The following XYLT1 variants were observed in gnomAD, a reference collection of about 807,000 sequenced individuals.
XYLT1 encodes the protein xylosyltransferase 1.
In XYLT1, 36 loss-of-function variants were observed where a neutral mutation model predicts 91.3. That is an observed-to-expected ratio of 0.39 (90% CI 0.30 to 0.52). The LOEUF (loss-of-function observed/expected upper bound fraction) is 0.52, where lower values mean the gene tolerates loss of function less well. Ranked by LOEUF, XYLT1 falls within the 20% of genes least tolerant of loss-of-function variation. The pLI, the probability that XYLT1 is intolerant of heterozygous loss-of-function variation, is 0.68. For missense variants in XYLT1, 1,242 were observed against 1,284.5 expected (o/e 0.97, Z 0.51); for synonymous variants, 588 against 532.0 (o/e 1.11, Z -1.45).
intron 2 of XYLT1, among the ~76,000 whole-genome samples, chr16:17,278,052 C>T (rs765995056): frequency 1.9e-4 from 29 of 152,280 alleles, no homozygotes; most frequent in East Asian, 1.4e-3. Context: ...CAGAGTGAGA[C>T]GCCTCCCTGC....
intron 1 of XYLT1, among the ~76,000 whole-genome samples, chr16:17,452,297 G>GT (rs1227109210): frequency 2.2e-5 from 3 of 138,828 alleles, no homozygotes; most frequent in African/African-American, 5.7e-5. Context: ...TTGATTCTCA[G>GT]TTTTTTTCTT....
chr16:17,330,275 G>A lies in XYLT1; in HGVS notation c.402+27737C>T, dbSNP rs967786922. On this transcript the variant is annotated intron_variant, in intron 2 of 11. Transcript: ENST00000261381. ...TGCAAACAGCTGATAAACTGGGTTG[G>A]GCTCCCCAAGGTCCTTGCAATTCTC... is the stretch of plus-strand genomic sequence containing the variant. Among the ~76,000 whole-genome samples the A allele has an allele frequency of 5.9e-5, 9 of 152,252 alleles. No individual in the cohort carries two copies. In the East Asian group the frequency reaches 1.7e-3, roughly 29 times the overall value.
intron 1 of XYLT1, among the ~76,000 whole-genome samples, chr16:17,358,312 A>AT (rs2141863134): frequency 6.6e-6 from 1 of 151,914 alleles, no homozygotes; most frequent in African/African-American, 2.4e-5. Flanking sequence ...TTAAAAAATT[A>AT]TTTTTGTAGA....
At chr16:17,242,289 C>T (rs1269578647) in intron 3 of XYLT1, among the ~76,000 whole-genome samples, 1 of 152,222 alleles carries the variant, frequency 6.6e-6, no homozygotes, top group African/African-American at 2.4e-5. Context: ...TTCATTTATG[C>T]ACTATCTACA....
intron 1 of XYLT1, among the ~76,000 whole-genome samples, chr16:17,468,027 C>T (rs190750902): frequency 4.3e-4 from 66 of 152,334 alleles, no homozygotes; most frequent in Non-Finnish European, 8.8e-4. Flanking sequence ...TGGAAACAAA[C>T]TGCACATTTC....
At position 17,219,592 on chromosome 16, in the gene XYLT1, T is replaced by C. The variant is rs548957738; in HGVS notation, c.914-18938A>G. 8.5e-5 allele frequency among the ~76,000 whole-genome samples: 13 copies of C among 152,308 alleles called. No individual in the cohort carries two copies. In the East Asian group the frequency reaches 9.7e-4, roughly 11 times the overall value. ...CAGAGAGACCCTGATTTCTCAACGA[T>C]GGCTTGGAAACTTCATTTAAGCCAG... is the stretch of plus-strand genomic sequence containing the variant. On this transcript the variant is annotated intron_variant, in intron 3 of 11. Coordinates refer to ENST00000261381, the MANE Select transcript of XYLT1 (RefSeq NM_022166.4).
chr16:17,259,962 C>T (rs2033698262), intron 2 of XYLT1, among the ~76,000 whole-genome samples: 1 of 151,546 alleles, frequency 6.6e-6, no homozygotes, highest in Non-Finnish European at 1.5e-5. Context: ...AGGACATGCT[C>T]ATATATCTAT....
At chr16:17,256,008 A>C (rs1046982633) in intron 3 of XYLT1, among the ~76,000 whole-genome samples, 40 of 152,216 alleles carry the variant, frequency 2.6e-4, no homozygotes, top group African/African-American at 8.2e-4. Context: ...ACTGTCTCAA[A>C]AAAACAAAAC....
At chr16:17,200,345 G>T in intron 4 of XYLT1, 137 bp downstream of exon 4, 2 of 1,080,898 alleles carry the variant, frequency 1.9e-6, no homozygotes, top group Non-Finnish European at 2.7e-6. Context: ...CACGCTCTGT[G>T]GAGAGGCAGC....
intron 6 of XYLT1, among the ~76,000 whole-genome samples, chr16:17,152,836 G>T (rs2031312963): frequency 6.6e-6 from 1 of 152,190 alleles, no homozygotes; most frequent in African/African-American, 2.4e-5. Context: ...TATTTGAAAT[G>T]ATAGCTGTTT....
At chr16:17,241,061 G>A (rs1370513991) in intron 3 of XYLT1, among the ~76,000 whole-genome samples, 2 of 152,234 alleles carry the variant, frequency 1.3e-5, no homozygotes, top group Non-Finnish European at 2.9e-5. Flanking sequence ...CCACCCCGGA[G>A]AGAAACCTCA....
chr16:17,286,483 T>C (rs1418357006), intron 2 of XYLT1, among the ~76,000 whole-genome samples: 1 of 152,246 alleles, frequency 6.6e-6, no homozygotes, highest in Non-Finnish European at 1.5e-5. Context: ...GGATCTGCAC[T>C]GTCACTTTCT....
At chr16:17,199,700 TTC>T (rs1293826642) in intron 4 of XYLT1, among the ~76,000 whole-genome samples, 1 of 152,224 alleles carries the variant, frequency 6.6e-6, no homozygotes, top group Non-Finnish European at 1.5e-5. Flanking sequence ...GCTCTCATTT[TTC>T]TCTCTTGCTG....
At chr16:17,333,620 C>T (rs1390726162) in intron 2 of XYLT1, among the ~76,000 whole-genome samples, 8 of 143,002 alleles carry the variant, frequency 5.6e-5, no homozygotes, top group Admixed American at 5.1e-4. Flanking sequence ...TGAAGTCTCA[C>T]TCTGCCGCCC....
intron 1 of XYLT1, among the ~76,000 whole-genome samples, chr16:17,382,831 G>A (rs887276202): frequency 6.6e-6 from 1 of 151,874 alleles, no homozygotes; most frequent in Non-Finnish European, 1.5e-5. Flanking sequence ...TTACTTCCTA[G>A]AGACCGCAAG....
At chr16:17,128,509 G>A (rs192685678) in intron 9 of XYLT1, among the ~76,000 whole-genome samples, 8 of 152,080 alleles carry the variant, frequency 5.3e-5, no homozygotes, top group South Asian at 2.1e-4. Flanking sequence ...CCTTTCATTC[G>A]TCTCTCTCTC....
chr16:17,212,364 T>C (rs2032774954), intron 3 of XYLT1, among the ~76,000 whole-genome samples: 1 of 152,182 alleles, frequency 6.6e-6, no homozygotes, highest in Admixed American at 6.5e-5. Flanking sequence ...TTAATTAGTT[T>C]GGTGGGCGCA....
At chr16:17,378,707 G>A (rs930368204) in intron 1 of XYLT1, among the ~76,000 whole-genome samples, 1 of 152,122 alleles carries the variant, frequency 6.6e-6, no homozygotes, top group African/African-American at 2.4e-5. Flanking sequence ...GGCAAATTAC[G>A]ACCAGTTCAC....
chr16:17,439,051 A>G (rs2036498411), intron 1 of XYLT1, among the ~76,000 whole-genome samples: 1 of 152,240 alleles, frequency 6.6e-6, no homozygotes, highest in Admixed American at 6.5e-5. Flanking sequence ...CATAAGGATG[A>G]GTGCAATACA....
Sources: gnomAD v4.1 joint callset for allele counts (sites outside exome capture counted in the v4.1 genomes callset) on GRCh38, gnomAD v4.1.1 for gene constraint, MANE v1.5 for transcripts, NCBI Gene and HGNC (gene_info 2026-07-23, HGNC 2026-07-21) for gene names.